Variants in ESRRG observed in about 807,000 individuals in gnomAD.
ESRRG encodes estrogen related receptor gamma.
ESRRG carries 13 observed loss-of-function variants against 44.0 expected under a neutral mutation model. That is an observed-to-expected ratio of 0.30 (90% CI 0.19 to 0.47). The LOEUF (loss-of-function observed/expected upper bound fraction) is 0.47. ESRRG is among the 20% of genes least tolerant of loss of function. ESRRG has a pLI of 1.00. For synonymous variants in ESRRG, 215 were observed against 214.6 expected, an observed-to-expected ratio of 1.00 and a Z score of -0.02; for missense variants, 395 against 580.6, an observed-to-expected ratio of 0.68 and a Z score of 3.29.
chr1:217,074,580 G>A (rs978327655), intron 1 of ESRRG, among the ~76,000 whole-genome samples: 3 of 151,864 alleles, frequency 2.0e-5, no homozygotes, highest in African/African-American at 7.3e-5. Context: ...GCTCATGCCT[G>A]TAATCCTAGC....
At chr1:216,843,392 C>A (rs2095685767) in intron 2 of ESRRG, among the ~76,000 whole-genome samples, 1 of 152,014 alleles carries the variant, frequency 6.6e-6, no homozygotes, top group Admixed American at 6.6e-5. Context: ...CTAAGTTTTT[C>A]AAGGTATTAA....
At chr1:216,895,881 G>T (rs933496579) in intron 2 of ESRRG, among the ~76,000 whole-genome samples, 4 of 152,138 alleles carry the variant, frequency 2.6e-5, no homozygotes, top group African/African-American at 9.7e-5. Flanking sequence ...TTTGCAGTGA[G>T]TTCAAATGGA....
rs1038947829 is a variant in ESRRG at position 216,897,910 on chromosome 1, T to C, written c.-14+41672A>G. On this transcript the variant is annotated intron_variant, in intron 2 of 7. Coordinates refer to the ESRRG transcript ENST00000359162. ...AGCCAAGGAAACAGAGGTGGGTCTATGTACTGTCCCATCCTGTCACCCTTT... is the reference window on the plus strand; with the variant it reads ...AGCCAAGGAAACAGAGGTGGGTCTACGTACTGTCCCATCCTGTCACCCTTT... 1.2e-4 allele frequency among the ~76,000 whole-genome samples: 18 copies of C among 152,284 alleles called. 1 individual carries two copies. Among genetic ancestry groups the C allele is most frequent in the African/African-American group, 4.1e-4 (17 of 41,566 alleles).
At chr1:216,708,594 G>T (rs1034133772) in intron 1 of ESRRG, among the ~76,000 whole-genome samples, 2 of 152,164 alleles carry the variant, frequency 1.3e-5, no homozygotes, top group African/African-American at 4.8e-5. Flanking sequence ...GGAGAAATAG[G>T]AACGCTTTTA....
At chr1:216,859,612 A>G (rs1037745196) in intron 2 of ESRRG, among the ~76,000 whole-genome samples, 1 of 152,106 alleles carries the variant, frequency 6.6e-6, no homozygotes, top group Non-Finnish European at 1.5e-5. Context: ...TGCTCTCATC[A>G]CCCAGATTGG....
At chr1:217,034,268 G>C (rs1315828164) in intron 1 of ESRRG, among the ~76,000 whole-genome samples, 7 of 152,184 alleles carry the variant, frequency 4.6e-5, no homozygotes, top group Non-Finnish European at 8.8e-5. Context: ...GCTTGCTGTA[G>C]AAAGGGATCT....
At chr1:216,515,359 C>G (rs1025877959) in intron 6 of ESRRG, among the ~76,000 whole-genome samples, 1 of 151,994 alleles carries the variant, frequency 6.6e-6, no homozygotes, top group Non-Finnish European at 1.5e-5. Flanking sequence ...AAAACCATAT[C>G]TAAAAAGGCT....
At chr1:216,535,835 C>T (rs2050777427) in intron 5 of ESRRG, among the ~76,000 whole-genome samples, 1 of 152,036 alleles carries the variant, frequency 6.6e-6, no homozygotes, top group African/African-American at 2.4e-5. Context: ...GTCTTTTTCC[C>T]TCTCTGTTCA....
At chr1:216,712,604 T>C (rs535977375) in intron 1 of ESRRG, among the ~76,000 whole-genome samples, 102 of 152,334 alleles carry the variant, frequency 6.7e-4, no homozygotes, top group African/African-American at 2.3e-3. Context: ...CTGCTAAGCT[T>C]GCCCACTTCT....
intron 1 of ESRRG, among the ~76,000 whole-genome samples, chr1:216,954,398 T>C (rs1405914655): frequency 6.6e-6 from 1 of 152,136 alleles, no homozygotes; most frequent in East Asian, 1.9e-4. Context: ...CAAAACCAAG[T>C]TCAGTTTGCT....
Position 216,504,247 on chromosome 1 carries a change from C to T in ESRRG, c.*2692G>A, listed in dbSNP as rs2040836865. 1 of 151,824 alleles carries T rather than the reference C, an allele frequency of 6.6e-6. No homozygotes were observed. The highest frequency in any genetic ancestry group is 1.9e-4 in the East Asian group (1 of 5,170). The allele number at this position is 151,824 out of a possible 1,614,324, so 9.4% of individuals were successfully genotyped here. On this transcript the variant is annotated 3_prime_UTR_variant, in exon 7 of 7. Transcript: ENST00000408911. ...GTAGTTGAATAGTAGCAACTTAAAC[C>T]CTGCACAAACTTTCTGGAAAATAAT...
intron 2 of ESRRG, among the ~76,000 whole-genome samples, chr1:216,854,353 CAAAAAAAAAAAAAAA>C (rs57421256): frequency 1.5e-5 from 1 of 67,100 alleles, no homozygotes; most frequent in Admixed American, 2.2e-4. Context: ...AAGACACCAT[CAAAAAAAAAAAAAAA>C]AAAAAAAAAA....
intron 2 of ESRRG, among the ~76,000 whole-genome samples, chr1:216,852,717 T>C (rs1441417035): frequency 2.0e-5 from 3 of 152,188 alleles, no homozygotes; most frequent in Non-Finnish European, 4.4e-5. Context: ...AATAATCTGA[T>C]TTTTCAGATT....
At chr1:216,963,181 A>G (rs2069477976) in intron 1 of ESRRG, among the ~76,000 whole-genome samples, 1 of 152,306 alleles carries the variant, frequency 6.6e-6, no homozygotes, top group African/African-American at 2.4e-5. Context: ...ATTAAAACAG[A>G]TTATCCCTGA....
intron 2 of ESRRG, among the ~76,000 whole-genome samples, chr1:216,887,955 T>C (rs1252522833): frequency 6.6e-6 from 1 of 152,154 alleles, no homozygotes; most frequent in Non-Finnish European, 1.5e-5. Context: ...TTCATTGTTA[T>C]GGTGGTTTCT....
intron 1 of ESRRG, among the ~76,000 whole-genome samples, chr1:216,942,093 G>A (rs190327956): frequency 5.6e-5 from 8 of 143,292 alleles, no homozygotes; most frequent in African/African-American, 2.0e-4. Flanking sequence ...GGAGTCCCCA[G>A]TGTCTATTGT....
At chr1:216,880,078 C>T (rs1391695572) in intron 2 of ESRRG, among the ~76,000 whole-genome samples, 4 of 151,718 alleles carry the variant, frequency 2.6e-5, no homozygotes, top group East Asian at 1.9e-4. Context: ...GAGTTCGAGG[C>T]GGTTGGATCA....
intron 2 of ESRRG, among the ~76,000 whole-genome samples, chr1:216,839,816 T>C (rs1446746121): frequency 6.6e-6 from 1 of 152,154 alleles, no homozygotes; most frequent in African/African-American, 2.4e-5. Flanking sequence ...TGTTTTAAAA[T>C]GAATCTTTAT....
At chr1:216,948,405 A>T (rs2066411726) in intron 1 of ESRRG, among the ~76,000 whole-genome samples, 1 of 145,696 alleles carries the variant, frequency 6.9e-6, no homozygotes, top group East Asian at 2.1e-4. Context: ...TGAACCTGGG[A>T]GGCAGAGATT....
Sources: gnomAD v4.1 joint callset for allele counts (sites outside exome capture counted in the v4.1 genomes callset) on GRCh38, gnomAD v4.1.1 for gene constraint, MANE v1.5 for transcripts, NCBI Gene and HGNC (gene_info 2026-07-23, HGNC 2026-07-21) for gene names.